The following GRIK2 variants were observed in gnomAD, a reference collection of about 807,000 sequenced individuals.
The protein encoded by GRIK2 is glutamate receptor ionotropic, kainate 2.
GRIK2 carries 32 observed loss-of-function variants against 100.3 expected under a neutral mutation model. The observed-to-expected ratio is 0.32, with a 90% CI of 0.24 to 0.43. The LOEUF (loss-of-function observed/expected upper bound fraction) is 0.43, where lower values mean the gene tolerates loss of function less well. GRIK2 is among the 20% of genes least tolerant of loss of function. The pLI is 1.00. For missense variants in GRIK2, 843 were observed against 1,114.9 expected (o/e 0.76, Z 3.47); for synonymous variants, 417 against 389.4 (o/e 1.07, Z -0.83).
chr6:101,668,256 T>C (rs1013788581), intron 4 of GRIK2, among the ~76,000 whole-genome samples: 4 of 152,172 alleles, frequency 2.6e-5, no homozygotes, highest in Non-Finnish European at 4.4e-5. Flanking sequence ...CTGTTTTCAA[T>C]GTTCTCTGTA....
At chr6:101,560,609 T>C (rs1226463779) in intron 2 of GRIK2, among the ~76,000 whole-genome samples, 1 of 152,142 alleles carries the variant, frequency 6.6e-6, no homozygotes, top group Non-Finnish European at 1.5e-5. Context: ...CAATATATAC[T>C]GTTAAAACTG....
intron 2 of GRIK2, among the ~76,000 whole-genome samples, chr6:101,558,612 G>A (rs1406112560): frequency 6.6e-6 from 1 of 151,776 alleles, no homozygotes; most frequent in Non-Finnish European, 1.5e-5. Flanking sequence ...ATAGTTTAGG[G>A]TTGAATTGTC....
intron 14 of GRIK2, among the ~76,000 whole-genome samples, chr6:101,995,285 TG>T (rs1253959090): frequency 6.6e-6 from 1 of 151,932 alleles, no homozygotes; most frequent in African/African-American, 2.4e-5. Context: ...CAAATCAAAA[TG>T]GGCATTAGGC....
At chr6:101,799,840 A>C (rs2128413420) in intron 8 of GRIK2, 49 bp downstream of exon 8, 1 of 1,457,204 alleles carries the variant, frequency 6.9e-7, no homozygotes, top group Non-Finnish European at 9.6e-7. Context: ...TGTCAAGCTG[A>C]ATGAAGTGAG....
intron 7 of GRIK2, among the ~76,000 whole-genome samples, chr6:101,697,863 G>A (rs1772607741): frequency 6.6e-6 from 1 of 151,990 alleles, no homozygotes; most frequent in African/African-American, 2.4e-5. Context: ...ACATAACTCT[G>A]GCACCACTTG....
chr6:101,568,285 AG>A (rs1777376966), intron 2 of GRIK2, among the ~76,000 whole-genome samples: 1 of 152,030 alleles, frequency 6.6e-6, no homozygotes, highest in African/African-American at 2.4e-5. Context: ...ACTAATGCCA[AG>A]GTAACCTAAA....
At chr6:101,481,350 G>A (rs1287305274) in intron 2 of GRIK2, among the ~76,000 whole-genome samples, 1 of 152,070 alleles carries the variant, frequency 6.6e-6, no homozygotes, top group Non-Finnish European at 1.5e-5. Flanking sequence ...GCTATAATTA[G>A]AGTGACCATT....
At chr6:101,934,767 CT>C (rs1790514463) in intron 14 of GRIK2, among the ~76,000 whole-genome samples, 1 of 151,908 alleles carries the variant, frequency 6.6e-6, no homozygotes, top group Non-Finnish European at 1.5e-5. Context: ...AAGAGATTTA[CT>C]CATTAGCAGA....
chr6:101,928,716 C>T, intron 14 of GRIK2, 84 bp downstream of exon 14: 1 of 730,650 alleles, frequency 1.4e-6, no homozygotes, highest in South Asian at 1.6e-5. Flanking sequence ...AAGAGTGTAA[C>T]AACGCCATTA....
At chr6:101,925,372 C>A (rs1024065573) in intron 13 of GRIK2, among the ~76,000 whole-genome samples, 1 of 150,024 alleles carries the variant, frequency 6.7e-6, no homozygotes, top group South Asian at 2.1e-4. Flanking sequence ...TGTACTAATA[C>A]GTCTTAATGG....
At chr6:101,908,644 A>G (rs543547913) in intron 12 of GRIK2, among the ~76,000 whole-genome samples, 36 of 151,480 alleles carry the variant, frequency 2.4e-4, no homozygotes, top group African/African-American at 8.7e-4. Context: ...TATATAAAAT[A>G]ATGTAGGCTA....
Position 101,700,989 on chromosome 6 carries a change from C to A in GRIK2, c.951+14636C>A, listed in dbSNP as rs78102087. 2.0e-3 allele frequency among the ~76,000 whole-genome samples: 297 copies of A among 152,202 alleles called. 9 individuals are homozygous for A. In the East Asian group the frequency reaches 0.054, roughly 28 times the overall value. ...TCTAGTGCTTTTCACCGAAGTGGGGCTATTGCAAAAGCAGGGAGCTTGAAA... is the reference window on the plus strand; with the variant it reads ...TCTAGTGCTTTTCACCGAAGTGGGGATATTGCAAAAGCAGGGAGCTTGAAA... On this transcript the variant is annotated intron_variant, in intron 7 of 16. Coordinates refer to ENST00000369134, the MANE Select transcript of GRIK2 (RefSeq NM_021956.5).
intron 11 of GRIK2, among the ~76,000 whole-genome samples, chr6:101,860,686 T>TAAAC (rs1190254804): frequency 5.3e-5 from 8 of 152,188 alleles, no homozygotes; most frequent in African/African-American, 1.9e-4. Flanking sequence ...AGGGCTGTTT[T>TAAAC]CTGTTTTCAG....
At chr6:101,723,346 A>C (rs1205499619) in intron 7 of GRIK2, among the ~76,000 whole-genome samples, 5 of 152,106 alleles carry the variant, frequency 3.3e-5, no homozygotes, top group Non-Finnish European at 7.4e-5. Flanking sequence ...ACATTGTACA[A>C]CTATGAGTCA....
At chr6:101,734,328 A>G (rs1775488517) in intron 7 of GRIK2, among the ~76,000 whole-genome samples, 1 of 152,194 alleles carries the variant, frequency 6.6e-6, no homozygotes, top group African/African-American at 2.4e-5. Context: ...AAAAGAGACA[A>G]TATTGTAGCT....
chr6:101,461,956 G>A (rs756043458), intron 2 of GRIK2, among the ~76,000 whole-genome samples: 5 of 152,106 alleles, frequency 3.3e-5, no homozygotes, highest in Non-Finnish European at 5.9e-5. Flanking sequence ...TAAGACATAC[G>A]AAGCTGAGAA....
chr6:101,730,652 T>G (rs9404134), intron 7 of GRIK2, among the ~76,000 whole-genome samples: 15,511 of 151,774 alleles, frequency 0.1, 931 homozygotes, highest in South Asian at 0.21. Flanking sequence ...TTTTTTGTTT[T>G]TTTTTGTCAC....
intron 2 of GRIK2, among the ~76,000 whole-genome samples, chr6:101,408,476 C>A (rs1031411512): frequency 6.6e-6 from 1 of 151,990 alleles, no homozygotes; most frequent in African/African-American, 2.4e-5. Context: ...GTCCTAAGAT[C>A]TGCAGTTGGA....
chr6:101,429,175 C>T (rs1469768950), intron 2 of GRIK2, among the ~76,000 whole-genome samples: 1 of 152,148 alleles, frequency 6.6e-6, no homozygotes, highest in African/African-American at 2.4e-5. Context: ...ACCGGATCTT[C>T]AGTCAAAATA....
Sources: allele counts gnomAD v4.1 joint callset (sites outside exome capture counted in the v4.1 genomes callset), GRCh38; gene constraint gnomAD v4.1.1; transcripts MANE v1.5; gene names NCBI Gene and HGNC (gene_info 2026-07-23, HGNC 2026-07-21).